The following COL24A1 variants were observed in gnomAD, a reference collection of about 807,000 sequenced individuals.
The protein encoded by COL24A1 is collagen type XXIV alpha 1 chain, also known as collagen alpha-1(XXIV) chain.
Under a neutral mutation model 253.9 loss-of-function variants are expected in COL24A1, and 224 were observed. The ratio of observed to expected loss-of-function variants is 0.88; its 90% CI spans 0.79 to 0.99. The LOEUF is 0.99. Among genes scored for constraint, COL24A1 ranks in the 50% least tolerant of loss-of-function variants. The pLI, the probability that COL24A1 is intolerant of heterozygous loss-of-function variation, is 0.00. For missense variants in COL24A1, 2,131 were observed against 2,068.5 expected, an observed-to-expected ratio of 1.03 and a Z score of -0.59; for synonymous variants, 685 against 673.7, an observed-to-expected ratio of 1.02 and a Z score of -0.26.
At chr1:85,920,374 G>T (rs1462484716) in intron 24 of COL24A1, among the ~76,000 whole-genome samples, 5 of 152,192 alleles carry the variant, frequency 3.3e-5, no homozygotes, top group Admixed American at 3.3e-4. Flanking sequence ...TAAAACATTT[G>T]CAAACACAAA....
At chr1:85,777,070 C>T (rs961836893) in intron 52 of COL24A1, among the ~76,000 whole-genome samples, 1 of 151,962 alleles carries the variant, frequency 6.6e-6, no homozygotes, top group East Asian at 1.9e-4. Flanking sequence ...CTGCCCCAGC[C>T]TCCTGAGTAG....
At chr1:86,050,731 T>C (rs1381431832) in intron 10 of COL24A1, among the ~76,000 whole-genome samples, 1 of 152,128 alleles carries the variant, frequency 6.6e-6, no homozygotes. Flanking sequence ...ATATACTTTG[T>C]GTGTAAGATG....
At chr1:85,880,075 A>G (rs1462623164) in intron 32 of COL24A1, among the ~76,000 whole-genome samples, 1 of 152,140 alleles carries the variant, frequency 6.6e-6, no homozygotes, top group African/African-American at 2.4e-5. Flanking sequence ...TTGGATTTTG[A>G]TTAGAATTGA....
At chr1:85,916,713 C>A (rs939439424) in intron 24 of COL24A1, among the ~76,000 whole-genome samples, 3 of 152,034 alleles carry the variant, frequency 2.0e-5, no homozygotes, top group Non-Finnish European at 4.4e-5. Flanking sequence ...AAAGTCTAAC[C>A]AAAACATATG....
At chr1:85,776,015 C>A (rs1477931795) in intron 52 of COL24A1, among the ~76,000 whole-genome samples, 1 of 152,094 alleles carries the variant, frequency 6.6e-6, no homozygotes, top group Non-Finnish European at 1.5e-5. Context: ...ATATACAAAG[C>A]AATTTAAAAA....
rs1273000382 is a variant in COL24A1 at position 86,145,642 on chromosome 1, A to C, written c.121+477T>G. Among the ~76,000 whole-genome samples the C allele has an allele frequency of 3.9e-5, 6 of 152,182 alleles. No homozygotes were observed. The East Asian group carries it at 1.2e-3, about 29-fold the overall frequency. ...TAATTAACTAGTAGGCACAAACAAA[A>C]CAGGTTTAGGTTTATTTTCTAAACC... is the stretch of plus-strand genomic sequence containing the variant. On this transcript the variant is annotated intron_variant, in intron 2 of 59. Transcript: ENST00000370571.
At chr1:86,048,863 G>A (rs1325872585) in intron 11 of COL24A1, among the ~76,000 whole-genome samples, 2 of 152,178 alleles carry the variant, frequency 1.3e-5, no homozygotes, top group Admixed American at 6.5e-5. Flanking sequence ...TTGATGGCCA[G>A]TGTCAACACT....
chr1:85,839,277 ATAACT>A (rs1294953084), intron 42 of COL24A1, among the ~76,000 whole-genome samples: 1 of 152,210 alleles, frequency 6.6e-6, no homozygotes, highest in Non-Finnish European at 1.5e-5. Context: ...TGATGCCCAA[ATAACT>A]TACTTTTTTA....
chr1:85,999,596 G>A lies in COL24A1; in HGVS notation c.2311-11942C>T, dbSNP rs542898743. On this transcript the variant is annotated intron_variant, in intron 19 of 59. Transcript: ENST00000370571. The stretch of plus-strand genomic sequence containing the variant: ...TGATCACGCCACTCTAGCCTGGGTG[G>A]GCAACAGAACAAGACCCTGTCTCAC... 1.3e-4 allele frequency among the ~76,000 whole-genome samples: 19 copies of A among 151,186 alleles called. No individual in the cohort carries two copies. The South Asian group carries it at 2.9e-3, about 23-fold the overall frequency.
At chr1:85,997,575 G>A (rs1027430086) in intron 19 of COL24A1, among the ~76,000 whole-genome samples, 3 of 152,072 alleles carry the variant, frequency 2.0e-5, no homozygotes, top group Non-Finnish European at 4.4e-5. Flanking sequence ...ACAAGGTCAG[G>A]AGTTCGAGAC....
chr1:86,124,714 A>G, intron 3 of COL24A1, 131 bp downstream of exon 3: 1 of 599,414 alleles, frequency 1.7e-6, no homozygotes, highest in Non-Finnish European at 2.6e-6. Context: ...ACTGTGCCAG[A>G]ATGCATTTCC....
At chr1:85,980,388 C>G (rs1693132245) in intron 20 of COL24A1, among the ~76,000 whole-genome samples, 1 of 152,104 alleles carries the variant, frequency 6.6e-6, no homozygotes. Flanking sequence ...GAAGTCAAAC[C>G]ATTGCTGTTT....
rs568229060 is a variant in COL24A1, at chr1:86,103,144, T to C, written c.1599+9423A>G. Among the ~76,000 whole-genome samples the C allele has an allele frequency of 1.2e-3, 189 of 152,328 alleles. 4 individuals carry two copies. The highest frequency in any genetic ancestry group is 8.3e-4 in the South Asian group (4 of 4,832). On this transcript the variant is annotated intron_variant, in intron 5 of 59. Transcript: ENST00000370571. ...TTTACCATTATATAATGCCCTTCTT[T>C]GTCTTTTTTGATATTTGCTGGCTTA... is the stretch of plus-strand genomic sequence containing the variant.
chr1:85,790,253 G>A (rs1289974983), intron 47 of COL24A1, among the ~76,000 whole-genome samples: 1 of 152,122 alleles, frequency 6.6e-6, no homozygotes, highest in African/African-American at 2.4e-5. Flanking sequence ...TCTATTCAGG[G>A]ATTCAACTGT....
intron 2 of COL24A1, among the ~76,000 whole-genome samples, chr1:86,132,565 T>C (rs7528180): frequency 0.019 from 2,842 of 152,186 alleles, 34 homozygotes; most frequent in Non-Finnish European, 0.031. Flanking sequence ...AAGGGATCCA[T>C]TTTCAGCTTT....
chr1:85,939,841 G>T (rs892079472), intron 24 of COL24A1, among the ~76,000 whole-genome samples: 2 of 152,022 alleles, frequency 1.3e-5, no homozygotes, highest in African/African-American at 2.4e-5. Context: ...GTAGCACAGA[G>T]ATTATACTGA....
In COL24A1 at chr1:85,961,267, A is replaced by G. The variant is rs1440723721; in HGVS notation, c.2544T>C (p.Ile848=). The part of the protein sequence containing the change: ...LKGEVGDQGN[I]GKIGETGPVG... The stretch of plus-strand genomic sequence containing the variant: ...AGCTTACTGTTTCACCAATTTTTCC[A>G]ATATTTCCTTGATCTCCTACTTCTC... Residue 848 remains isoleucine, a synonymous_variant, in exon 24 of 60, where the codon ATT becomes ATC. Transcript: ENST00000370571. 6.2e-7 allele frequency: 1 copy of G among 1,605,528 alleles called. No homozygotes were observed. Among genetic ancestry groups the G allele is most frequent in the South Asian group, 1.1e-5 (1 of 90,398 alleles).
At chr1:86,017,705 A>G (rs1697130491) in intron 18 of COL24A1, among the ~76,000 whole-genome samples, 1 of 152,220 alleles carries the variant, frequency 6.6e-6, no homozygotes, top group African/African-American at 2.4e-5. Flanking sequence ...AAATAGAAAT[A>G]ATAATTATAG....
At chr1:86,083,173 C>CT (rs1402521021) in intron 7 of COL24A1, among the ~76,000 whole-genome samples, 2 of 151,922 alleles carry the variant, frequency 1.3e-5, no homozygotes, top group African/African-American at 4.8e-5. Context: ...TGGCGGGCGC[C>CT]TGTAGTCCCA....
Sources: gnomAD v4.1 joint callset for allele counts (sites outside exome capture counted in the v4.1 genomes callset) on GRCh38, gnomAD v4.1.1 for gene constraint, MANE v1.5 for transcripts, NCBI Gene and HGNC (gene_info 2026-07-23, HGNC 2026-07-21) for gene names.